The following DEFB115 variants were observed in gnomAD, a reference collection of about 807,000 sequenced individuals.
DEFB115 encodes the protein beta-defensin 115.
In DEFB115, 7 loss-of-function variants were observed where a neutral mutation model predicts 8.8. The observed-to-expected ratio is 0.79, with a 90% CI of 0.45 to 1.49. DEFB115 has a LOEUF of 1.49. Ranked by LOEUF, DEFB115 falls within the 40% of genes most tolerant of loss-of-function variation. The pLI, the probability that DEFB115 is intolerant of heterozygous loss-of-function variation, is 0.01. For missense variants in DEFB115, 143 were observed against 99.4 expected (o/e 1.44, Z -1.86); for synonymous variants, 62 against 37.6 (o/e 1.65, Z -2.37).
rs1432330411 is a variant in DEFB115, at chr20:31,259,540, T to C, written c.175T>C (p.Cys59Arg). 5.0e-6 allele frequency: 8 copies of C among 1,612,498 alleles called. No individual in the cohort carries two copies. Among genetic ancestry groups the C allele is most frequent in the African/African-American group, 1.3e-5 (1 of 74,686 alleles). The change falls in exon 2 of 2, where the codon TGT becomes CGT. Residue 59 changes from cysteine (C) to arginine (R), a missense_variant. Physicochemically the swap from Cys to Arg is radical, Grantham distance 180 (BLOSUM62 -3). Coordinates refer to ENST00000400552, the MANE Select transcript of DEFB115 (RefSeq NM_001037730.1). ...AGAAATTGAGAGGAAGAAAGAAAAA[T>C]GTGGGGAAAAACATATTTGCTGTGT... The part of the protein sequence containing the change: ...CKEIERKKEK[C>R]GEKHICCVPK...
Position 31,259,463 on chromosome 20 carries a change from G to A in DEFB115, c.98G>A (p.Gly33Glu), listed in dbSNP as rs376635739. The A allele has an allele frequency of 6.3e-6, 10 of 1,591,950 alleles. No individual in the cohort carries two copies. The highest frequency in any genetic ancestry group is 8.5e-6 in the Non-Finnish European group (10 of 1,172,954). ...LVVLAQTAPD[G>E]WIRRCYYGTG... is the part of the protein sequence containing the mutation. Reference sequence around the variant, plus strand: ...ATGTGTTTGCTTATTTTGATAGATGGATGGATCAGAAGGTGCTATTATGGA... The same window carrying A: ...ATGTGTTTGCTTATTTTGATAGATGAATGGATCAGAAGGTGCTATTATGGA... The change falls in exon 2 of 2, where the codon GGA becomes GAA. Residue 33 changes from glycine to glutamate, a missense_variant. By Grantham distance (98) the Gly-to-Glu change is moderately conservative (BLOSUM62 -2). Coordinates refer to ENST00000400552, the MANE Select transcript of DEFB115 (RefSeq NM_001037730.1).
chr20:31,257,853 GC>G (rs779404604), intron 1 of DEFB115, 96 bp downstream of exon 1: 18 of 1,102,220 alleles, frequency 1.6e-5, no homozygotes, highest in Non-Finnish European at 2.5e-5. Context: ...AGCAAGGAGA[GC>G]CCACAGGGAT....
Position 31,259,515 on chromosome 20 carries a change from A to G in DEFB115, c.150A>G (p.Lys50=), listed in dbSNP as rs770105489. The change falls in exon 2 of 2, where the codon AAA becomes AAG. Residue 50 remains lysine, a synonymous_variant. Transcript: ENST00000400552. ...CTGGCAGATGCAGGAAATCATGCAA[A>G]GAAATTGAGAGGAAGAAAGAAAAAT... ...YGTGRCRKSC[K]EIERKKEKCG... The G allele has an allele frequency of 1.2e-6, 2 of 1,613,392 alleles. No homozygotes were observed. The highest frequency in any genetic ancestry group is 1.7e-4 in the Middle Eastern group (1 of 6,052).
At chr20:31,259,232 A>G (rs1022545115) in intron 1 of DEFB115, among the ~76,000 whole-genome samples, 2 of 152,150 alleles carry the variant, frequency 1.3e-5, no homozygotes, top group Non-Finnish European at 2.9e-5. Flanking sequence ...AATGACAGAG[A>G]AGAAAGTATC....
intron 1 of DEFB115, among the ~76,000 whole-genome samples, chr20:31,258,236 T>A (rs1983805165): frequency 6.6e-6 from 1 of 152,178 alleles, no homozygotes; most frequent in Non-Finnish European, 1.5e-5. Context: ...GTGAAAAAGT[T>A]GTAAGTTGAT....
intron 1 of DEFB115, among the ~76,000 whole-genome samples, chr20:31,258,584 T>C (rs190148413): frequency 6.6e-6 from 1 of 152,320 alleles, no homozygotes; most frequent in Admixed American, 6.5e-5. Flanking sequence ...CTGAGTTGGC[T>C]TGAGCATGCC....
chr20:31,259,220 A>G (rs569522187), intron 1 of DEFB115, among the ~76,000 whole-genome samples: 47 of 152,346 alleles, frequency 3.1e-4, no homozygotes, highest in Non-Finnish European at 5.0e-4. Flanking sequence ...GAGACTGTGA[A>G]AAATGACAGA....
intron 1 of DEFB115, among the ~76,000 whole-genome samples, chr20:31,258,568 C>T (rs540248571): frequency 6.6e-6 from 1 of 152,172 alleles, no homozygotes; most frequent in Non-Finnish European, 1.5e-5. Flanking sequence ...TTATTCTGGG[C>T]TAACCCTGAG....
chr20:31,258,880 T>G (rs568171797), intron 1 of DEFB115, among the ~76,000 whole-genome samples: 40 of 152,262 alleles, frequency 2.6e-4, no homozygotes, highest in African/African-American at 8.7e-4. Context: ...GTTTGCAGTC[T>G]GCGTTGACTT....
intron 1 of DEFB115, 73 bp from the exon 2 acceptor site, chr20:31,259,387 C>A: frequency 2.1e-6 from 3 of 1,410,872 alleles, no homozygotes; most frequent in East Asian, 2.5e-5. Context: ...ATTACTATTA[C>A]CAACATCCTT....
intron 1 of DEFB115, among the ~76,000 whole-genome samples, chr20:31,258,571 AC>A (rs1983816144): frequency 6.6e-6 from 1 of 152,222 alleles, no homozygotes; most frequent in South Asian, 2.1e-4. Context: ...TTCTGGGCTA[AC>A]CCTGAGTTGG....
chr20:31,258,810 T>C (rs73119530), intron 1 of DEFB115, among the ~76,000 whole-genome samples: 13,786 of 152,224 alleles, frequency 0.091, 758 homozygotes, highest in Non-Finnish European at 0.12. Flanking sequence ...GGAAAGAATC[T>C]GTAGTTTAGA....
At chr20:31,258,224 T>C (rs931577338) in intron 1 of DEFB115, among the ~76,000 whole-genome samples, 26 of 152,152 alleles carry the variant, frequency 1.7e-4, no homozygotes, top group African/African-American at 6.3e-4. Context: ...TTGGAATATA[T>C]GGTGAAAAAG....
In DEFB115 at chr20:31,259,485, T is replaced by C; in HGVS notation, c.120T>C (p.Tyr40=). 6.2e-7 allele frequency: 1 copy of C among 1,612,180 alleles called. No homozygotes were observed. ...APDGWIRRCY[Y]GTGRCRKSCK... ...ATGGATGGATCAGAAGGTGCTATTA[T>C]GGAACTGGCAGATGCAGGAAATCAT... The change falls in exon 2 of 2, where the codon TAT becomes TAC. Residue 40 remains tyrosine, a synonymous_variant. Transcript: ENST00000400552.
At chr20:31,258,425 T>C (rs1200971131) in intron 1 of DEFB115, among the ~76,000 whole-genome samples, 1 of 152,204 alleles carries the variant, frequency 6.6e-6, no homozygotes, top group Non-Finnish European at 1.5e-5. Context: ...TCCCAGGGGC[T>C]CTAAAGTTGA....
At chr20:31,258,811 G>A (rs1983822912) in intron 1 of DEFB115, among the ~76,000 whole-genome samples, 1 of 152,144 alleles carries the variant, frequency 6.6e-6, no homozygotes, top group Non-Finnish European at 1.5e-5. Flanking sequence ...GAAAGAATCT[G>A]TAGTTTAGAT....
chr20:31,259,348 G>A (rs1359743216), intron 1 of DEFB115, 112 bp from the exon 2 acceptor site: 1 of 1,161,672 alleles, frequency 8.6e-7, no homozygotes, highest in Admixed American at 3.3e-5. Flanking sequence ...GCCTTTAAGT[G>A]TCAAAATCAA....
At position 31,259,451 on chromosome 20, in the gene DEFB115, T is replaced by C. The variant is rs1335447551; in HGVS notation, c.95-9T>C. On this transcript the variant is annotated splice_polypyrimidine_tract_variant and intron_variant, in intron 1 of 1. Transcript: ENST00000400552. Reference sequence around the variant, plus strand: ...ATTTATATATTCATGTGTTTGCTTATTTTGATAGATGGATGGATCAGAAGG... The same window carrying C: ...ATTTATATATTCATGTGTTTGCTTACTTTGATAGATGGATGGATCAGAAGG... 8 of 1,584,178 alleles carry C rather than the reference T, an allele frequency of 5.0e-6. No individual in the cohort carries two copies. In the African/African-American group the frequency reaches 8.2e-5, roughly 16 times the overall value.
chr20:31,259,393 T>C (rs1055007170), intron 1 of DEFB115, 67 bp from the exon 2 acceptor site: 1 of 1,434,510 alleles, frequency 7.0e-7, no homozygotes, highest in Admixed American at 2.5e-5. Context: ...ATTACCAACA[T>C]CCTTTCTTTA....
Sources: gnomAD v4.1 joint callset for allele counts (sites outside exome capture counted in the v4.1 genomes callset) on GRCh38, gnomAD v4.1.1 for gene constraint, MANE v1.5 for transcripts, NCBI Gene and HGNC (gene_info 2026-07-23, HGNC 2026-07-21) for gene names.